The following MAP2K4 variants were observed in gnomAD, a reference collection of about 807,000 sequenced individuals.
MAP2K4 encodes the protein mitogen-activated protein kinase kinase 4.
In MAP2K4, 4 loss-of-function variants were observed where a neutral mutation model predicts 48.5. The ratio of observed to expected loss-of-function variants is 0.08; its 90% CI spans 0.04 to 0.19. MAP2K4 has a LOEUF of 0.19. Among genes scored for constraint, MAP2K4 ranks in the 10% least tolerant of loss-of-function variants. The probability of loss-of-function intolerance (pLI) is 1.00; values close to 1 mark genes in which losing one functional copy is unlikely to be tolerated. For synonymous variants in MAP2K4, 166 were observed against 173.1 expected, an observed-to-expected ratio of 0.96 and a Z score of 0.32; for missense variants, 258 against 493.3, an observed-to-expected ratio of 0.52 and a Z score of 4.52.
intron 3 of MAP2K4, among the ~76,000 whole-genome samples, chr17:12,082,776 A>C (rs1002874622): frequency 1.3e-5 from 2 of 152,344 alleles, no homozygotes; most frequent in African/African-American, 4.8e-5. Flanking sequence ...TAGACTTTTC[A>C]TAGGCAGGTG....
In MAP2K4 at chr17:12,092,317, T is replaced by C. The variant is rs141324273; in HGVS notation, c.394-3258T>C. On this transcript the variant is annotated intron_variant, in intron 3 of 10. Coordinates refer to ENST00000353533, the MANE Select transcript of MAP2K4 (RefSeq NM_003010.4). ...AGTCATATAATTGGCGTCACCTTGT[T>C]ACTTCCATTTTTCTGTGCTCTTAAG... Among the ~76,000 whole-genome samples the C allele has an allele frequency of 7.5e-3, 1,146 of 152,326 alleles. 12 individuals carry two copies. The highest frequency in any genetic ancestry group is 0.025 in the African/African-American group (1,027 of 41,582).
chr17:12,109,542 T>G (rs1039221160), intron 5 of MAP2K4, among the ~76,000 whole-genome samples: 15 of 152,182 alleles, frequency 9.9e-5, no homozygotes, highest in Admixed American at 3.9e-4. Context: ...AGTTTGAGGT[T>G]GTGTCTCTTT....
At chr17:12,079,023 T>C (rs1597445033) in intron 2 of MAP2K4, among the ~76,000 whole-genome samples, 1 of 152,380 alleles carries the variant, frequency 6.6e-6, no homozygotes, top group South Asian at 2.1e-4. Context: ...TCTTTCTAAA[T>C]GAGAAACTTG....
At chr17:12,120,513 A>G (rs1972652488) in intron 7 of MAP2K4, among the ~76,000 whole-genome samples, 2 of 146,688 alleles carry the variant, frequency 1.4e-5, no homozygotes, top group Admixed American at 7.4e-5. Flanking sequence ...TTTTAAAGAA[A>G]ATGGAAACAA....
chr17:12,139,194 A>G (rs1973301289), intron 9 of MAP2K4, among the ~76,000 whole-genome samples: 1 of 152,200 alleles, frequency 6.6e-6, no homozygotes, highest in African/African-American at 2.4e-5. Context: ...AAGATAGATG[A>G]GGTAAATATA....
intron 3 of MAP2K4, among the ~76,000 whole-genome samples, chr17:12,092,898 C>T (rs974139661): frequency 2.6e-5 from 4 of 151,976 alleles, no homozygotes; most frequent in African/African-American, 4.8e-5. Flanking sequence ...TGGTGGCGGG[C>T]GCCTGTAGTC....
intron 7 of MAP2K4, among the ~76,000 whole-genome samples, chr17:12,120,841 A>G (rs1972664502): frequency 6.6e-6 from 1 of 152,224 alleles, no homozygotes; most frequent in African/African-American, 2.4e-5. Context: ...TAATCAAAAC[A>G]CAGCATCGTA....
rs1970700446 is a variant in MAP2K4 at position 12,068,872 on chromosome 17, T to C, written c.219-12484T>C. Among the ~76,000 whole-genome samples the C allele has an allele frequency of 4.6e-5, 7 of 152,122 alleles. No homozygotes were observed. The South Asian group carries it at 1.0e-3, about 23-fold the overall frequency. Reference sequence around the variant, plus strand: ...GAGTCTGGTGCCAGAAGTGAAGTTGTAGATTGGAGATAAAAAGTTGAAAAT... The same window carrying C: ...GAGTCTGGTGCCAGAAGTGAAGTTGCAGATTGGAGATAAAAAGTTGAAAAT... On this transcript the variant is annotated intron_variant, in intron 2 of 10. Transcript: ENST00000353533.
At chr17:12,073,546 G>C (rs1395633999) in intron 2 of MAP2K4, among the ~76,000 whole-genome samples, 1 of 152,130 alleles carries the variant, frequency 6.6e-6, no homozygotes, top group Non-Finnish European at 1.5e-5. Flanking sequence ...CATGTAATGG[G>C]CAAATCCGTA....
chr17:12,111,972 A>G lies in MAP2K4; in HGVS notation c.686-1261A>G, dbSNP rs763957793. Among the ~76,000 whole-genome samples the G allele has an allele frequency of 3.9e-5, 6 of 152,128 alleles. 1 individual carries two copies. In the South Asian group the frequency reaches 1.2e-3, roughly 32 times the overall value. On this transcript the variant is annotated intron_variant, in intron 6 of 10. Coordinates refer to ENST00000353533, the MANE Select transcript of MAP2K4 (RefSeq NM_003010.4). ...GTGCTCTCGTGCTGTGCAGCTCTGT[A>G]GGGAGTATGGAAACTTTTCCCACGT... is the stretch of plus-strand genomic sequence containing the variant.
intron 3 of MAP2K4, among the ~76,000 whole-genome samples, chr17:12,088,527 ATAAT>A (rs1316960997): frequency 2.1e-5 from 2 of 93,284 alleles, no homozygotes; most frequent in African/African-American, 6.2e-5. Flanking sequence ...TATGTAATAT[ATAAT>A]ATATATTAAA....
intron 9 of MAP2K4, among the ~76,000 whole-genome samples, chr17:12,137,984 A>G (rs1285695756): frequency 6.6e-6 from 1 of 152,138 alleles, no homozygotes; most frequent in East Asian, 1.9e-4. Flanking sequence ...AATATCAGGA[A>G]GAGAAAACAG....
At chr17:12,038,366 A>G (rs1969666743) in intron 1 of MAP2K4, among the ~76,000 whole-genome samples, 1 of 152,174 alleles carries the variant, frequency 6.6e-6, no homozygotes, top group Admixed American at 6.5e-5. Flanking sequence ...CTTGGTGTTC[A>G]TTTTCCCTGG....
chr17:12,091,532 GAC>G (rs1971562498), intron 3 of MAP2K4, among the ~76,000 whole-genome samples: 1 of 152,140 alleles, frequency 6.6e-6, no homozygotes, highest in Non-Finnish European at 1.5e-5. Context: ...GAGTTGGACT[GAC>G]AGTTTTAGAA....
At chr17:12,024,273 G>A (rs917801534) in intron 1 of MAP2K4, among the ~76,000 whole-genome samples, 1 of 152,142 alleles carries the variant, frequency 6.6e-6, no homozygotes, top group African/African-American at 2.4e-5. Flanking sequence ...GTAGATGGTT[G>A]GAATGGGATT....
At chr17:12,109,532 A>G (rs1972237147) in intron 5 of MAP2K4, among the ~76,000 whole-genome samples, 1 of 152,110 alleles carries the variant, frequency 6.6e-6, no homozygotes, top group Non-Finnish European at 1.5e-5. Flanking sequence ...GTTCTCTTTT[A>G]GTTTGAGGTT....
intron 1 of MAP2K4, among the ~76,000 whole-genome samples, chr17:12,026,499 TC>T (rs1969257106): frequency 6.6e-6 from 1 of 152,220 alleles, no homozygotes; most frequent in African/African-American, 2.4e-5. Context: ...TTTTCACTGT[TC>T]CTACCTAATT....
chr17:12,047,605 G>C (rs1166905590), intron 1 of MAP2K4, among the ~76,000 whole-genome samples: 1 of 152,158 alleles, frequency 6.6e-6, no homozygotes. Context: ...ATTTTTATGG[G>C]AAAGTGGTTT....
At chr17:12,032,780 A>AG in intron 1 of MAP2K4, among the ~76,000 whole-genome samples, 1 of 152,200 alleles carries the variant, frequency 6.6e-6, no homozygotes, top group Non-Finnish European at 1.5e-5. Context: ...ATTCTGTATT[A>AG]GGACACTAGT....
Sources: gnomAD v4.1 joint callset for allele counts (sites outside exome capture counted in the v4.1 genomes callset) on GRCh38, gnomAD v4.1.1 for gene constraint, MANE v1.5 for transcripts, NCBI Gene and HGNC (gene_info 2026-07-23, HGNC 2026-07-21) for gene names.